Variants in ADCY9 observed in about 807,000 individuals in gnomAD.
The protein encoded by ADCY9 is adenylate cyclase 9.
Under a neutral mutation model 101.5 loss-of-function variants are expected in ADCY9, and 50 were observed. The ratio of observed to expected loss-of-function variants is 0.49; its 90% CI spans 0.39 to 0.62. The LOEUF (loss-of-function observed/expected upper bound fraction) is 0.62. Among genes scored for constraint, ADCY9 ranks in the 20% least tolerant of loss-of-function variants. ADCY9 has a pLI of 0.00. For missense variants in ADCY9, 1,662 were observed against 1,800.4 expected, an observed-to-expected ratio of 0.92 and a Z score of 1.39; for synonymous variants, 905 against 769.3, an observed-to-expected ratio of 1.18 and a Z score of -2.92.
intron 2 of ADCY9, among the ~76,000 whole-genome samples, chr16:4,016,580 G>A (rs2056440204): frequency 6.6e-6 from 1 of 152,012 alleles, no homozygotes; most frequent in African/African-American, 2.4e-5. Flanking sequence ...TGTAGATGAT[G>A]AAAAATAGAT....
At chr16:4,078,475 A>T (rs2056881484) in intron 2 of ADCY9, among the ~76,000 whole-genome samples, 1 of 151,584 alleles carries the variant, frequency 6.6e-6, no homozygotes, top group Non-Finnish European at 1.5e-5. Context: ...AGGTGGGAAG[A>T]TCACCTAAGC....
At chr16:4,095,994 A>AC (rs2057001391) in intron 2 of ADCY9, among the ~76,000 whole-genome samples, 1 of 151,596 alleles carries the variant, frequency 6.6e-6, no homozygotes, top group African/African-American at 2.4e-5. Context: ...AAAAAAAAAA[A>AC]AAAATCAAAT....
chr16:4,081,337 A>C (rs2141179341), intron 2 of ADCY9, among the ~76,000 whole-genome samples: 1 of 152,332 alleles, frequency 6.6e-6, no homozygotes. Flanking sequence ...CCATCCTCAG[A>C]ACCAGCAGTG....
intron 2 of ADCY9, among the ~76,000 whole-genome samples, chr16:4,107,035 T>C (rs867186083): frequency 6.6e-6 from 1 of 152,174 alleles, no homozygotes; most frequent in Non-Finnish European, 1.5e-5. Flanking sequence ...TTACTTCTAC[T>C]CGAAAGCTTG....
At chr16:3,996,213 T>G (rs1243778293) in intron 3 of ADCY9, among the ~76,000 whole-genome samples, 2 of 151,988 alleles carry the variant, frequency 1.3e-5, no homozygotes, top group Non-Finnish European at 2.9e-5. Flanking sequence ...ATAAAACCAA[T>G]TAGCTGACCT....
intron 2 of ADCY9, among the ~76,000 whole-genome samples, chr16:4,103,956 C>T (rs750132642): frequency 7.2e-5 from 11 of 152,188 alleles, no homozygotes; most frequent in Non-Finnish European, 1.0e-4. Context: ...AGCACGCCTA[C>T]GACGACGCTG....
chr16:3,999,347 C>G (rs1454436052), intron 3 of ADCY9, among the ~76,000 whole-genome samples: 2 of 152,238 alleles, frequency 1.3e-5, no homozygotes, highest in Admixed American at 1.3e-4. Flanking sequence ...TATCTGCAGT[C>G]TCGACTGTAT....
chr16:4,104,913 CA>C, intron 2 of ADCY9, among the ~76,000 whole-genome samples: 1 of 150,898 alleles, frequency 6.6e-6, no homozygotes, highest in Middle Eastern at 3.5e-3. Flanking sequence ...ACTAAAAATA[CA>C]AAAAATTAGC....
chr16:4,001,008 C>CACACACAT (rs3222326), intron 3 of ADCY9, among the ~76,000 whole-genome samples: 6,925 of 135,108 alleles, frequency 0.051, 248 homozygotes, highest in Admixed American at 0.078. Context: ...CACACACACA[C>CACACACAT]ATATATAATT....
At chr16:4,058,447 A>T (rs960847278) in intron 2 of ADCY9, among the ~76,000 whole-genome samples, 1 of 151,586 alleles carries the variant, frequency 6.6e-6, no homozygotes, top group Non-Finnish European at 1.5e-5. Flanking sequence ...CCTGGGAAAC[A>T]GAGAAACTCT....
intron 2 of ADCY9, among the ~76,000 whole-genome samples, chr16:4,113,444 C>T (rs1567153452): frequency 1.3e-5 from 2 of 152,204 alleles, no homozygotes; most frequent in Non-Finnish European, 2.9e-5. Context: ...GGGCTCCATA[C>T]CCTTACATTC....
intron 6 of ADCY9, among the ~76,000 whole-genome samples, chr16:3,984,892 C>T (rs1567423178): frequency 6.6e-6 from 1 of 152,168 alleles, no homozygotes; most frequent in Non-Finnish European, 1.5e-5. Flanking sequence ...GCTCCGGGTG[C>T]CTCGACCACT....
chr16:3,965,787 T>C lies in ADCY9; in HGVS notation c.4050A>G (p.Ser1350=), dbSNP rs769737201. The part of the protein sequence containing the change: ...EANELTKLNV[S]KSV ...GGTGGGCGCCGCCTCACACACTCTT[T>C]GAAACGTTGAGCTTGGTGAGTTCGT... The change falls in exon 11 of 11, where the codon TCA becomes TCG. Residue 1350 remains serine, a synonymous_variant. Coordinates refer to ENST00000294016, the MANE Select transcript of ADCY9 (RefSeq NM_001116.4). The C allele has an allele frequency of 1.9e-6, 3 of 1,612,528 alleles. No homozygotes were observed. The highest frequency in any genetic ancestry group is 1.7e-5 in the Admixed American group (1 of 59,696).
intron 2 of ADCY9, among the ~76,000 whole-genome samples, chr16:4,018,951 TTGTG>T (rs58093859): frequency 3.6e-5 from 5 of 138,834 alleles, no homozygotes; most frequent in African/African-American, 1.1e-4. Flanking sequence ...AGAATCGCAG[TTGTG>T]TGTGTGTGTG....
intron 2 of ADCY9, among the ~76,000 whole-genome samples, chr16:4,085,443 C>T (rs1016337684): frequency 5.9e-5 from 9 of 151,994 alleles, no homozygotes; most frequent in African/African-American, 1.2e-4. Flanking sequence ...AGGAGCCCTC[C>T]GTAAATGTGT....
At chr16:4,039,162 T>C (rs1433247398) in intron 2 of ADCY9, among the ~76,000 whole-genome samples, 1 of 152,164 alleles carries the variant, frequency 6.6e-6, no homozygotes, top group African/African-American at 2.4e-5. Context: ...TAACGTGGCA[T>C]GCAAAGTCTT....
chr16:4,030,531 G>A (rs1428324036), intron 2 of ADCY9, among the ~76,000 whole-genome samples: 6 of 151,966 alleles, frequency 3.9e-5, no homozygotes, highest in Non-Finnish European at 7.4e-5. Flanking sequence ...GTGAAACCCC[G>A]TCTCTACTAA....
intron 2 of ADCY9, among the ~76,000 whole-genome samples, chr16:4,059,865 G>A (rs894595983): frequency 2.0e-5 from 3 of 152,200 alleles, no homozygotes; most frequent in East Asian, 1.9e-4. Flanking sequence ...GCCACTGCAC[G>A]CCAGCTTGAG....
intron 2 of ADCY9, among the ~76,000 whole-genome samples, chr16:4,095,486 C>T (rs1306887210): frequency 1.3e-5 from 2 of 152,170 alleles, no homozygotes; most frequent in African/African-American, 4.8e-5. Flanking sequence ...AGAACACTGT[C>T]AGTCCAGGAT....
Sources: allele counts gnomAD v4.1 joint callset (sites outside exome capture counted in the v4.1 genomes callset), GRCh38; gene constraint gnomAD v4.1.1; transcripts MANE v1.5; gene names NCBI Gene and HGNC (gene_info 2026-07-23, HGNC 2026-07-21).